Variants in GPC5 observed in about 807,000 individuals in gnomAD.
GPC5 encodes glypican-5.
Under a neutral mutation model 53.9 loss-of-function variants are expected in GPC5, and 47 were observed. The observed-to-expected ratio is 0.87, with a 90% confidence interval of 0.69 to 1.11. GPC5 has a LOEUF of 1.11. Ranked by LOEUF, GPC5 falls within the 50% of genes most tolerant of loss-of-function variation. The pLI is 0.00. For missense variants in GPC5, 748 were observed against 713.1 expected, an observed-to-expected ratio of 1.05 and a Z score of -0.56; for synonymous variants, 286 against 263.3, an observed-to-expected ratio of 1.09 and a Z score of -0.84.
intron 7 of GPC5, among the ~76,000 whole-genome samples, chr13:92,527,251 G>A (rs200822968): frequency 1.1e-3 from 62 of 57,412 alleles, no homozygotes; most frequent in Non-Finnish European, 1.4e-3. Context: ...GAAAGAAAGA[G>A]AAAGAAAGAA....
chr13:92,692,754 ATTTTTTTTT>A (rs71272284), intron 7 of GPC5, among the ~76,000 whole-genome samples: 8 of 81,036 alleles, frequency 9.9e-5, no homozygotes, highest in African/African-American at 3.4e-4. Context: ...AATATCGGCT[ATTTTTTTTT>A]TTTTTTTTTT....
intron 7 of GPC5, among the ~76,000 whole-genome samples, chr13:92,860,547 T>C (rs1274321767): frequency 6.6e-6 from 1 of 152,146 alleles, no homozygotes; most frequent in Non-Finnish European, 1.5e-5. Flanking sequence ...AAATGGGAAA[T>C]AGTTATGCTA....
chr13:91,778,732 A>G (rs1440293312), intron 5 of GPC5, among the ~76,000 whole-genome samples: 2 of 152,176 alleles, frequency 1.3e-5, no homozygotes, highest in Non-Finnish European at 2.9e-5. Flanking sequence ...CTTTATTCTC[A>G]ATCATCACGT....
intron 6 of GPC5, among the ~76,000 whole-genome samples, chr13:92,124,876 T>C (rs556471147): frequency 6.6e-6 from 1 of 152,302 alleles, no homozygotes; most frequent in African/African-American, 2.4e-5. Context: ...ACAGCTCTCA[T>C]GTTTCTGATT....
intron 7 of GPC5, among the ~76,000 whole-genome samples, chr13:92,616,960 T>C (rs987337442): frequency 1.3e-5 from 2 of 152,120 alleles, no homozygotes; most frequent in Admixed American, 6.6e-5. Context: ...TTGAATATAA[T>C]ACATACATAT....
chr13:91,599,330 G>A (rs2033100651), intron 2 of GPC5, among the ~76,000 whole-genome samples: 1 of 151,876 alleles, frequency 6.6e-6, no homozygotes, highest in Non-Finnish European at 1.5e-5. Context: ...CTTAACATTT[G>A]TATGTTCAGA....
At chr13:91,865,197 C>A (rs937134927) in intron 5 of GPC5, among the ~76,000 whole-genome samples, 1 of 152,098 alleles carries the variant, frequency 6.6e-6, no homozygotes, top group Non-Finnish European at 1.5e-5. Context: ...GTGTGAGCCA[C>A]CGCACCTGGC....
At chr13:91,912,994 G>T (rs1372495871) in intron 6 of GPC5, among the ~76,000 whole-genome samples, 1 of 152,092 alleles carries the variant, frequency 6.6e-6, no homozygotes, top group African/African-American at 2.4e-5. Context: ...ACATCATTGG[G>T]CTCTCTAGAG....
At chr13:91,549,721 A>T (rs549169178) in intron 2 of GPC5, among the ~76,000 whole-genome samples, 6 of 152,258 alleles carry the variant, frequency 3.9e-5, no homozygotes, top group African/African-American at 1.2e-4. Flanking sequence ...ACTACTACAG[A>T]CATATTAGAA....
chr13:92,440,342 G>A (rs867398082), intron 7 of GPC5, among the ~76,000 whole-genome samples: 3 of 152,162 alleles, frequency 2.0e-5, no homozygotes, highest in South Asian at 2.1e-4. Flanking sequence ...TTATAAGTGA[G>A]AATGTGTGGT....
intron 2 of GPC5, among the ~76,000 whole-genome samples, chr13:91,677,271 A>G (rs891939239): frequency 1.3e-5 from 2 of 152,176 alleles, no homozygotes; most frequent in African/African-American, 4.8e-5. Context: ...ACCTTCCTAA[A>G]TGATACTTGG....
chr13:91,500,736 G>A (rs1326624033), intron 2 of GPC5, among the ~76,000 whole-genome samples: 1 of 152,012 alleles, frequency 6.6e-6, no homozygotes, highest in South Asian at 2.1e-4. Flanking sequence ...TTTTTGTCTC[G>A]ATACTGTATT....
At chr13:92,585,603 A>T (rs571740615) in intron 7 of GPC5, among the ~76,000 whole-genome samples, 1 of 152,138 alleles carries the variant, frequency 6.6e-6, no homozygotes, top group Non-Finnish European at 1.5e-5. Context: ...ACTTTCTGGG[A>T]CCGTTGGGAA....
intron 7 of GPC5, among the ~76,000 whole-genome samples, chr13:92,277,854 G>A (rs1218955682): frequency 1.3e-5 from 2 of 151,794 alleles, no homozygotes; most frequent in Non-Finnish European, 2.9e-5. Flanking sequence ...GAAATATGAT[G>A]GGCAGTAAGG....
At chr13:92,116,086 A>G (rs954285859) in intron 6 of GPC5, among the ~76,000 whole-genome samples, 2 of 152,100 alleles carry the variant, frequency 1.3e-5, no homozygotes, top group Non-Finnish European at 2.9e-5. Flanking sequence ...AACTATCTCT[A>G]CAAAAAAATC....
intron 6 of GPC5, among the ~76,000 whole-genome samples, chr13:91,939,992 C>A (rs976544888): frequency 6.6e-6 from 1 of 152,108 alleles, no homozygotes; most frequent in Non-Finnish European, 1.5e-5. Context: ...CCTCACACAT[C>A]GGGTCTATCC....
At chr13:92,763,218 G>C (rs60005783) in intron 7 of GPC5, among the ~76,000 whole-genome samples, 31,505 of 152,020 alleles carry the variant, frequency 0.21, 3,424 homozygotes, top group Middle Eastern at 0.28. Flanking sequence ...CTGTGCATTG[G>C]TAGAACAATC....
chr13:91,905,103 T>G (rs974132929), intron 5 of GPC5, among the ~76,000 whole-genome samples: 3 of 152,104 alleles, frequency 2.0e-5, no homozygotes, highest in African/African-American at 7.2e-5. Context: ...AAACTCCAGA[T>G]AGAGTAAAGC....
At chr13:91,961,541 T>C (rs780809998) in intron 6 of GPC5, among the ~76,000 whole-genome samples, 1 of 152,012 alleles carries the variant, frequency 6.6e-6, no homozygotes, top group African/African-American at 2.4e-5. Context: ...ATTCCAATTC[T>C]AACAGAAATG....
Sources: gnomAD v4.1 joint callset for allele counts (sites outside exome capture counted in the v4.1 genomes callset) on GRCh38, gnomAD v4.1.1 for gene constraint, MANE v1.5 for transcripts, NCBI Gene and HGNC (gene_info 2026-07-23, HGNC 2026-07-21) for gene names.